NBEA: variants seen among roughly 807,000 people sequenced by gnomAD.
The protein encoded by NBEA is neurobeachin.
Under a neutral mutation model 343.4 loss-of-function variants are expected in NBEA, and 44 were observed. The ratio of observed to expected loss-of-function variants is 0.13; its 90% CI spans 0.10 to 0.16. The LOEUF is 0.16. Ranked by LOEUF, NBEA falls within the 10% of genes least tolerant of loss-of-function variation. The pLI, the probability that NBEA is intolerant of heterozygous loss-of-function variation, is 1.00. For missense variants in NBEA, 2,555 were observed against 3,631.3 expected (o/e 0.70, Z 7.62); for synonymous variants, 1,175 against 1,238.7 (o/e 0.95, Z 1.08).
At position 35,110,988 on chromosome 13, in the gene NBEA, C is replaced by G; in HGVS notation, c.2002+10C>G. On this transcript the variant is annotated intron_variant, in intron 13 of 58. Coordinates refer to ENST00000379939, the MANE Select transcript of NBEA (RefSeq NM_001385012.1). The stretch of plus-strand genomic sequence containing the variant: ...ACACCTAAAGGATTAGGTATGTATA[C>G]CACTTCCACTGTATTTACATTTGCC... The G allele has an allele frequency of 1.9e-6, 3 of 1,586,164 alleles. No individual in the cohort carries two copies. Among genetic ancestry groups the G allele is most frequent in the Middle Eastern group, 1.7e-4 (1 of 5,972 alleles).
At chr13:35,560,353 T>A (rs923291977) in intron 44 of NBEA, among the ~76,000 whole-genome samples, 21 of 152,214 alleles carry the variant, frequency 1.4e-4, no homozygotes, top group African/African-American at 2.4e-5. Flanking sequence ...ATTTTGTAAT[T>A]TTCTTTTACA....
At chr13:35,019,288 T>C (rs1387735181) in intron 1 of NBEA, among the ~76,000 whole-genome samples, 3 of 151,316 alleles carry the variant, frequency 2.0e-5, no homozygotes, top group African/African-American at 7.3e-5. Context: ...TTTCATTAAA[T>C]TTTTTTTTGT....
intron 49 of NBEA, among the ~76,000 whole-genome samples, chr13:35,631,637 G>A (rs1593418930): frequency 3.5e-5 from 1 of 28,270 alleles, no homozygotes; most frequent in African/African-American, 1.8e-4. Flanking sequence ...TGTCTCCTTT[G>A]TAAAAAAAAA....
chr13:35,257,791 G>A (rs1194231818), intron 34 of NBEA, among the ~76,000 whole-genome samples: 1 of 152,088 alleles, frequency 6.6e-6, no homozygotes, highest in Non-Finnish European at 1.5e-5. Flanking sequence ...ACAAAAATTG[G>A]TAATTTTCAT....
intron 34 of NBEA, among the ~76,000 whole-genome samples, chr13:35,282,763 T>G (rs2035141371): frequency 6.6e-6 from 1 of 152,156 alleles, no homozygotes. Flanking sequence ...GTCATAGTAC[T>G]TTATTGTAAT....
intron 1 of NBEA, among the ~76,000 whole-genome samples, chr13:34,973,835 G>GGGTAT (rs1375230931): frequency 1.3e-5 from 2 of 152,278 alleles, no homozygotes; most frequent in East Asian, 3.9e-4. Context: ...CCCTTCCCAG[G>GGGTAT]GGTATGTACG....
chr13:35,325,293 T>C (rs886203435), intron 36 of NBEA, among the ~76,000 whole-genome samples: 1 of 152,052 alleles, frequency 6.6e-6, no homozygotes, highest in Non-Finnish European at 1.5e-5. Flanking sequence ...ACAATAAATA[T>C]TTCTTTTTAG....
chr13:35,573,698 T>C (rs1230833802), intron 45 of NBEA, among the ~76,000 whole-genome samples: 1 of 152,224 alleles, frequency 6.6e-6, no homozygotes, highest in Non-Finnish European at 1.5e-5. Context: ...GAGCCTGTTT[T>C]GCTTTGAAAA....
intron 1 of NBEA, among the ~76,000 whole-genome samples, chr13:35,009,393 G>A (rs1444949670): frequency 6.6e-6 from 1 of 152,162 alleles, no homozygotes; most frequent in Non-Finnish European, 1.5e-5. Flanking sequence ...AGTAAGGTAA[G>A]TTAGGGAAAA....
intron 41 of NBEA, among the ~76,000 whole-genome samples, chr13:35,505,663 G>T (rs1043298973): frequency 1.3e-5 from 2 of 152,154 alleles, no homozygotes; most frequent in African/African-American, 4.8e-5. Flanking sequence ...GGTTAAAAAT[G>T]CATTCCCTTA....
chr13:35,073,567 A>C (rs1414375845), intron 10 of NBEA, among the ~76,000 whole-genome samples: 2 of 152,084 alleles, frequency 1.3e-5, no homozygotes, highest in Admixed American at 1.3e-4. Flanking sequence ...TTGTTTCTTA[A>C]GCCTTACCTC....
At chr13:35,236,105 A>C (rs1167809014) in intron 34 of NBEA, among the ~76,000 whole-genome samples, 1 of 152,206 alleles carries the variant, frequency 6.6e-6, no homozygotes, top group Non-Finnish European at 1.5e-5. Flanking sequence ...AGCAAATGGT[A>C]GATTTTTAGG....
intron 1 of NBEA, among the ~76,000 whole-genome samples, chr13:34,978,415 T>C (rs1043368465): frequency 2.6e-5 from 4 of 152,234 alleles, no homozygotes; most frequent in African/African-American, 9.6e-5. Context: ...GTCTATTTTT[T>C]CTGGATCCGT....
chr13:35,439,395 A>AT (rs2045613545), intron 39 of NBEA, among the ~76,000 whole-genome samples: 1 of 151,972 alleles, frequency 6.6e-6, no homozygotes, highest in African/African-American at 2.4e-5. Flanking sequence ...AGGCTTATGA[A>AT]TTGTCTCAAG....
chr13:35,400,813 C>T (rs758805557), intron 38 of NBEA, among the ~76,000 whole-genome samples: 1 of 151,808 alleles, frequency 6.6e-6, no homozygotes, highest in Non-Finnish European at 1.5e-5. Flanking sequence ...GTGGAGCACT[C>T]CTATGTTAGG....
At chr13:34,994,174 G>C (rs1198664460) in intron 1 of NBEA, among the ~76,000 whole-genome samples, 1 of 136,548 alleles carries the variant, frequency 7.3e-6, no homozygotes, top group Non-Finnish European at 1.5e-5. Flanking sequence ...CTCTAGCCTG[G>C]GTGACAGAGC....
chr13:35,125,792 T>G (rs919061503), intron 17 of NBEA, among the ~76,000 whole-genome samples: 6 of 152,110 alleles, frequency 3.9e-5, no homozygotes, highest in African/African-American at 9.7e-5. Context: ...GCATTTTGAT[T>G]TAAAAATTTC....
intron 40 of NBEA, 34 bp from the exon 41 acceptor site, chr13:35,472,366 G>A (rs1433970440): frequency 6.2e-7 from 1 of 1,604,036 alleles, no homozygotes; most frequent in Admixed American, 1.7e-5. Flanking sequence ...GGCCACAGGG[G>A]CTCAGCCTGA....
At chr13:35,377,215 C>G (rs2041793122) in intron 38 of NBEA, among the ~76,000 whole-genome samples, 2 of 152,090 alleles carry the variant, frequency 1.3e-5, no homozygotes, top group Non-Finnish European at 2.9e-5. Flanking sequence ...TGATGTTCAT[C>G]AAAAACAGTA....
Sources: allele counts gnomAD v4.1 joint callset (sites outside exome capture counted in the v4.1 genomes callset), GRCh38; gene constraint gnomAD v4.1.1; transcripts MANE v1.5; gene names NCBI Gene and HGNC (gene_info 2026-07-23, HGNC 2026-07-21).